OR51B5: variants seen among roughly 807,000 people sequenced by gnomAD.
OR51B5 encodes the protein olfactory receptor family 51 subfamily B member 5, also known as olfactory receptor 51B5.
For missense variants in OR51B5, 456 were observed against 374.6 expected (o/e 1.22, Z -1.79); for synonymous variants, 186 against 144.8 (o/e 1.28, Z -2.04).
intron 1 of OR51B5, chr11:5,488,996 T>C (rs1851536409): frequency 1.2e-6 from 2 of 1,613,964 alleles, no homozygotes; most frequent in South Asian, 1.1e-5. Flanking sequence ...GAGATTTCCT[T>C]TGGTGGATGC....
chr11:5,442,771 CT>C (rs906747562), intron 1 of OR51B5, among the ~76,000 whole-genome samples: 1 of 152,172 alleles, frequency 6.6e-6, no homozygotes, highest in African/African-American at 2.4e-5. Flanking sequence ...GGCTTCCACA[CT>C]CCCCTCCTCT....
At chr11:5,430,054 T>C (rs1243184877) in intron 1 of OR51B5, among the ~76,000 whole-genome samples, 1 of 152,182 alleles carries the variant, frequency 6.6e-6, no homozygotes, top group Non-Finnish European at 1.5e-5. Flanking sequence ...GCTTCATAGG[T>C]AAATGTAAAC....
chr11:5,373,676 T>C (rs1849477671), intron 1 of OR51B5, among the ~76,000 whole-genome samples: 2 of 152,316 alleles, frequency 1.3e-5, no homozygotes, highest in South Asian at 2.1e-4. Context: ...CAGGAGATTA[T>C]ATCCTGCACA....
Position 5,443,318 on chromosome 11 carries a change from A to G in OR51B5, n.84+62251T>C, listed in dbSNP as rs535012652. Among the ~76,000 whole-genome samples the G allele has an allele frequency of 2.8e-4, 42 of 152,292 alleles. No individual in the cohort carries two copies. In the South Asian group the frequency reaches 8.7e-3, roughly 32 times the overall value. On this transcript the variant is annotated intron_variant and non_coding_transcript_variant, in intron 1 of 4. Coordinates refer to the OR51B5 transcript ENST00000415970. ...AGATATCAGTCATAATCCCAAATAT[A>G]TATAGGTAGTGAGAAGAGATTCATC...
intron 1 of OR51B5, among the ~76,000 whole-genome samples, chr11:5,450,542 T>C (rs1294681199): frequency 6.6e-6 from 1 of 152,200 alleles, no homozygotes; most frequent in African/African-American, 2.4e-5. Flanking sequence ...AACCACCTGG[T>C]TCCTATATGG....
chr11:5,363,094 C>T (rs1320566660), intron 1 of OR51B5, among the ~76,000 whole-genome samples: 1 of 151,914 alleles, frequency 6.6e-6, no homozygotes, highest in East Asian at 1.9e-4. Context: ...AGTGGCATTC[C>T]TCCATGAGAG....
intron 1 of OR51B5, among the ~76,000 whole-genome samples, chr11:5,427,030 A>G (rs1472437875): frequency 6.6e-6 from 1 of 152,084 alleles, no homozygotes; most frequent in Non-Finnish European, 1.5e-5. Flanking sequence ...TCACCTTCCC[A>G]TCACCTCCCC....
At chr11:5,420,236 A>G (rs1432825128) in intron 1 of OR51B5, among the ~76,000 whole-genome samples, 1 of 152,064 alleles carries the variant, frequency 6.6e-6, no homozygotes. Flanking sequence ...CCAGAAATTA[A>G]CATACAAATT....
intron 1 of OR51B5, among the ~76,000 whole-genome samples, chr11:5,365,319 G>A (rs548481792): frequency 1.3e-5 from 2 of 152,274 alleles, no homozygotes; most frequent in African/African-American, 4.8e-5. Context: ...TGGAAAACAT[G>A]GGTATAGAGC....
intron 1 of OR51B5, among the ~76,000 whole-genome samples, chr11:5,413,570 A>G (rs1850185463): frequency 6.6e-6 from 1 of 152,140 alleles, no homozygotes; most frequent in Admixed American, 6.5e-5. Flanking sequence ...AGAATAACCA[A>G]TACAGAGAAG....
At chr11:5,351,695 T>C (rs376039787) in intron 1 of OR51B5, 9 of 1,614,130 alleles carry the variant, frequency 5.6e-6, no homozygotes, top group East Asian at 2.2e-5. Context: ...TTCTTAGCTA[T>C]GTTGGCAGCT....
upstream of OR51B5, among the ~76,000 whole-genome samples, chr11:5,345,482 T>A (rs1037127327): frequency 6.6e-6 from 1 of 152,190 alleles, no homozygotes; most frequent in Non-Finnish European, 1.5e-5. Flanking sequence ...AGGTTTCCCC[T>A]AGATTTCTGT....
At chr11:5,354,462 G>A (rs1423286114) in intron 1 of OR51B5, among the ~76,000 whole-genome samples, 1 of 149,838 alleles carries the variant, frequency 6.7e-6, no homozygotes, top group South Asian at 2.1e-4. Flanking sequence ...ATGTGATGAA[G>A]AGACAAGATA....
chr11:5,356,277 T>C lies in OR51B5; in HGVS notation n.85-9367A>G, dbSNP rs1715527812. Among the ~76,000 whole-genome samples the C allele has an allele frequency of 2.0e-5, 3 of 151,854 alleles. No homozygotes were observed. The South Asian group carries it at 6.3e-4, about 32-fold the overall frequency. The stretch of plus-strand genomic sequence containing the variant: ...TAGAATAACCAATACAGAGAAGTCC[T>C]TAAAGGACCTGATGGAGCTGAAAAC... On this transcript the variant is annotated intron_variant and non_coding_transcript_variant, in intron 1 of 4. Coordinates refer to the OR51B5 transcript ENST00000415970.
At chr11:5,408,105 T>C (rs1042959128) in intron 1 of OR51B5, among the ~76,000 whole-genome samples, 2 of 152,150 alleles carry the variant, frequency 1.3e-5, no homozygotes, top group African/African-American at 4.8e-5. Flanking sequence ...TCTTTTTCTC[T>C]CTGAACTACA....
chr11:5,358,651 G>C (rs1849231614), intron 1 of OR51B5, among the ~76,000 whole-genome samples: 2 of 152,004 alleles, frequency 1.3e-5, no homozygotes, highest in South Asian at 4.2e-4. Flanking sequence ...TATGAGGCCA[G>C]CATCATCCTG....
intron 1 of OR51B5, among the ~76,000 whole-genome samples, chr11:5,394,839 T>C (rs1849843719): frequency 6.6e-6 from 1 of 152,200 alleles, no homozygotes; most frequent in African/African-American, 2.4e-5. Flanking sequence ...TGTGTCTTAT[T>C]AATGCTTGCA....
intron 1 of OR51B5, among the ~76,000 whole-genome samples, chr11:5,386,044 A>G (rs1446553040): frequency 6.6e-6 from 1 of 151,864 alleles, no homozygotes; most frequent in Non-Finnish European, 1.5e-5. Flanking sequence ...GTGAGAACAG[A>G]GAAAGATGTA....
chr11:5,454,211 T>C lies in OR51B5; in HGVS notation n.84+51358A>G, dbSNP rs761959730. On this transcript the variant is annotated intron_variant and non_coding_transcript_variant, in intron 1 of 4. Transcript: ENST00000415970. ...AACGCCTCAAAGCTCTCAACACATG[T>C]GTGTCACATATCCTGGCTGTACTTG... 6.2e-6 allele frequency: 10 copies of C among 1,614,084 alleles called. No homozygotes were observed. The South Asian group carries it at 9.9e-5, about 16-fold the overall frequency.
Sources: gnomAD v4.1 joint callset for allele counts (sites outside exome capture counted in the v4.1 genomes callset) on GRCh38, gnomAD v4.1.1 for gene constraint, MANE v1.5 for transcripts, NCBI Gene and HGNC (gene_info 2026-07-23, HGNC 2026-07-21) for gene names.